The following CCSER1 variants were observed in gnomAD, a reference collection of about 807,000 sequenced individuals.
The protein encoded by CCSER1 is coiled-coil serine rich protein 1.
In CCSER1, 41 loss-of-function variants were observed where a neutral mutation model predicts 82.0. That is an observed-to-expected ratio of 0.50 (90% CI 0.39 to 0.65). CCSER1 has a LOEUF of 0.65. Among genes scored for constraint, CCSER1 ranks in the 30% least tolerant of loss-of-function variants. The probability of loss-of-function intolerance (pLI) is 0.00; values close to 1 mark genes in which losing one functional copy is unlikely to be tolerated. For missense variants in CCSER1, 1,119 were observed against 1,064.2 expected (o/e 1.05, Z -0.72); for synonymous variants, 414 against 383.9 (o/e 1.08, Z -0.92).
chr4:90,359,595 G>A (rs565559387), intron 3 of CCSER1, among the ~76,000 whole-genome samples: 10 of 151,642 alleles, frequency 6.6e-5, no homozygotes, highest in Non-Finnish European at 8.8e-5. Context: ...AAAATTAGCC[G>A]GGCGTGATGG....
intron 10 of CCSER1, among the ~76,000 whole-genome samples, chr4:91,104,188 A>G (rs4637359): frequency 0.45 from 67,841 of 151,984 alleles, 15,656 homozygotes; most frequent in East Asian, 0.73. Context: ...CAGACAATAT[A>G]TGCACCACTG....
chr4:91,074,926 C>T (rs936254816), intron 9 of CCSER1, among the ~76,000 whole-genome samples: 1 of 151,468 alleles, frequency 6.6e-6, no homozygotes, highest in African/African-American at 2.4e-5. Context: ...TATATTTTTT[C>T]AATCAGAAAA....
At chr4:91,238,815 T>C (rs1422499622) in intron 10 of CCSER1, among the ~76,000 whole-genome samples, 4 of 149,598 alleles carry the variant, frequency 2.7e-5, no homozygotes, top group African/African-American at 9.7e-5. Flanking sequence ...AAGTGTTAGA[T>C]ACTATTTTAA....
intron 7 of CCSER1, among the ~76,000 whole-genome samples, chr4:90,807,640 A>G: frequency 8.3e-6 from 1 of 121,210 alleles, no homozygotes; most frequent in South Asian, 2.7e-4. Flanking sequence ...ACTCAGTCTC[A>G]TTTACATTTG....
chr4:90,923,864 A>G lies in CCSER1; in HGVS notation c.2172+417A>G, dbSNP rs1448386837. On this transcript the variant is annotated intron_variant, in intron 9 of 10. Coordinates refer to ENST00000509176, the MANE Select transcript of CCSER1 (RefSeq NM_001145065.2). ...ACACTTAAAGGCAAAAACAACTTTG[A>G]AGAAAAATTTAAAATAATGTTTTAG... Among the ~76,000 whole-genome samples, 5 of 152,230 alleles carry G rather than the reference A, an allele frequency of 3.3e-5. No individual in the cohort carries two copies. In the East Asian group the frequency reaches 9.6e-4, roughly 29 times the overall value.
rs138040931 is a variant in CCSER1, at chr4:90,551,870, G to T, written c.1725-76155G>T. 5.2e-3 allele frequency among the ~76,000 whole-genome samples: 789 copies of T among 151,974 alleles called. 4 individuals are homozygous for T. Among genetic ancestry groups the T allele is most frequent in the African/African-American group, 0.018 (756 of 41,422 alleles). ...CTGAAGACTGGGTAACTTTTAAAGA[G>T]CAGACATTGATTTTCTCATAGCTCC... is the stretch of plus-strand genomic sequence containing the variant. On this transcript the variant is annotated intron_variant, in intron 5 of 10. Coordinates refer to ENST00000509176, the MANE Select transcript of CCSER1 (RefSeq NM_001145065.2).
chr4:90,401,241 A>G (rs931747454), intron 4 of CCSER1, among the ~76,000 whole-genome samples: 2 of 152,208 alleles, frequency 1.3e-5, no homozygotes, highest in Non-Finnish European at 2.9e-5. Flanking sequence ...GATTTGACAG[A>G]TATCCTTCTA....
intron 5 of CCSER1, among the ~76,000 whole-genome samples, chr4:90,475,565 A>G (rs1369549282): frequency 1.3e-5 from 2 of 152,216 alleles, no homozygotes; most frequent in Non-Finnish European, 1.5e-5. Context: ...TGGAAGCACA[A>G]GGGACAGATG....
chr4:90,209,061 G>C (rs1031517559), intron 1 of CCSER1, among the ~76,000 whole-genome samples: 1 of 152,050 alleles, frequency 6.6e-6, no homozygotes, highest in Non-Finnish European at 1.5e-5. Context: ...ATAATTTTCA[G>C]GTCTCCTATT....
At chr4:90,302,658 T>C (rs905143975) in intron 1 of CCSER1, among the ~76,000 whole-genome samples, 2 of 151,804 alleles carry the variant, frequency 1.3e-5, no homozygotes, top group Admixed American at 1.3e-4. Flanking sequence ...TTAAAGTTAA[T>C]TGGGCATGAT....
At chr4:91,174,489 G>C (rs1201013323) in intron 10 of CCSER1, among the ~76,000 whole-genome samples, 1 of 152,160 alleles carries the variant, frequency 6.6e-6, no homozygotes, top group East Asian at 1.9e-4. Flanking sequence ...AGCATGTGCA[G>C]GACATGCAGG....
intron 10 of CCSER1, among the ~76,000 whole-genome samples, chr4:91,481,538 G>T (rs1168308138): frequency 3.9e-5 from 6 of 152,102 alleles, no homozygotes; most frequent in Non-Finnish European, 7.3e-5. Context: ...ACATGCTGGT[G>T]GTTAAAGCTG....
At chr4:91,218,342 G>A (rs1241207186) in intron 10 of CCSER1, among the ~76,000 whole-genome samples, 17 of 152,156 alleles carry the variant, frequency 1.1e-4, no homozygotes, top group Non-Finnish European at 1.9e-4. Flanking sequence ...GTTCCTGCTC[G>A]TGCCTCTCCC....
chr4:91,381,570 C>A (rs1253649132), intron 10 of CCSER1, among the ~76,000 whole-genome samples: 1 of 152,170 alleles, frequency 6.6e-6, no homozygotes, highest in Admixed American at 6.5e-5. Flanking sequence ...TCAGGTAGTT[C>A]TCGTGCCATG....
In CCSER1 at chr4:90,241,545, G is replaced by T. The variant is rs558024622; in HGVS notation, c.-41-66699G>T. On this transcript the variant is annotated intron_variant, in intron 1 of 10. Coordinates refer to ENST00000509176, the MANE Select transcript of CCSER1 (RefSeq NM_001145065.2). ...TTTTCCTAGCAGCCAGAACACTTTT[G>T]TTATACATCATTTATTCTTTCTTAA... Among the ~76,000 whole-genome samples, 242 of 151,974 alleles carry T rather than the reference G, an allele frequency of 1.6e-3. 2 individuals are homozygous for T. Among genetic ancestry groups the T allele is most frequent in the African/African-American group, 5.5e-3 (227 of 41,454 alleles).
At chr4:90,566,981 G>A (rs1444841354) in intron 5 of CCSER1, among the ~76,000 whole-genome samples, 1 of 149,512 alleles carries the variant, frequency 6.7e-6, no homozygotes, top group East Asian at 2.0e-4. Flanking sequence ...TTTTCTGTTA[G>A]CTTAGCTAAA....
At chr4:91,464,209 A>G (rs904429847) in intron 10 of CCSER1, among the ~76,000 whole-genome samples, 1 of 149,754 alleles carries the variant, frequency 6.7e-6, no homozygotes, top group Non-Finnish European at 1.5e-5. Context: ...TCAACATTTT[A>G]AAGAAAAGTA....
chr4:90,492,973 A>G (rs1370075110), intron 5 of CCSER1, among the ~76,000 whole-genome samples: 1 of 152,152 alleles, frequency 6.6e-6, no homozygotes, highest in Non-Finnish European at 1.5e-5. Flanking sequence ...TCCGAGCTAA[A>G]GGAGGAAGTT....
At chr4:91,288,081 CAT>C (rs1160258033) in intron 10 of CCSER1, among the ~76,000 whole-genome samples, 191 of 147,434 alleles carry the variant, frequency 1.3e-3, no homozygotes, top group African/African-American at 4.3e-3. Context: ...TATATACACT[CAT>C]ATATATATAG....
Sources: allele counts gnomAD v4.1 joint callset (sites outside exome capture counted in the v4.1 genomes callset), GRCh38; gene constraint gnomAD v4.1.1; transcripts MANE v1.5; gene names NCBI Gene and HGNC (gene_info 2026-07-23, HGNC 2026-07-21).